LRP1B: variants seen among roughly 807,000 people sequenced by gnomAD.
LRP1B encodes LDL receptor related protein 1B.
Under a neutral mutation model 556.6 loss-of-function variants are expected in LRP1B, and 217 were observed. That is an observed-to-expected ratio of 0.39 (90% CI 0.35 to 0.44). The LOEUF (loss-of-function observed/expected upper bound fraction) is 0.44, where lower values mean the gene tolerates loss of function less well. Ranked by LOEUF, LRP1B falls within the 20% of genes least tolerant of loss-of-function variation. LRP1B has a pLI of 1.00. For synonymous variants in LRP1B, 2,047 were observed against 1,865.8 expected (o/e 1.10, Z -2.50); for missense variants, 5,053 against 5,620.8 (o/e 0.90, Z 3.23).
intron 2 of LRP1B, among the ~76,000 whole-genome samples, chr2:141,751,471 A>G (rs1479380787): frequency 6.6e-6 from 1 of 152,162 alleles, no homozygotes; most frequent in Non-Finnish European, 1.5e-5. Flanking sequence ...AAAATTTACC[A>G]ACTTCAGGAA....
chr2:141,160,349 T>G (rs1432135570), intron 7 of LRP1B, among the ~76,000 whole-genome samples: 1 of 152,140 alleles, frequency 6.6e-6, no homozygotes, highest in Non-Finnish European at 1.5e-5. Context: ...GTTGGTCATT[T>G]TAAAATAAAG....
chr2:141,151,212 G>C (rs1007865222), intron 7 of LRP1B, among the ~76,000 whole-genome samples: 4 of 152,112 alleles, frequency 2.6e-5, no homozygotes, highest in Non-Finnish European at 5.9e-5. Context: ...GGATCTTATG[G>C]AGATGGATGT....
intron 2 of LRP1B, among the ~76,000 whole-genome samples, chr2:141,622,455 T>C (rs560021266): frequency 1.3e-5 from 2 of 152,308 alleles, no homozygotes; most frequent in South Asian, 4.1e-4. Flanking sequence ...ACTTCCTTGT[T>C]AGAACTTGCA....
chr2:141,130,458 T>C (rs1701321608), intron 7 of LRP1B, among the ~76,000 whole-genome samples: 1 of 152,096 alleles, frequency 6.6e-6, no homozygotes. Flanking sequence ...GTTTGTAATG[T>C]GTTACATACC....
At chr2:141,553,786 A>G (rs1456378230) in intron 2 of LRP1B, among the ~76,000 whole-genome samples, 3 of 139,736 alleles carry the variant, frequency 2.1e-5, no homozygotes, top group Non-Finnish European at 4.6e-5. Flanking sequence ...ATATATAAAT[A>G]TATAGAAATA....
At chr2:141,335,207 A>T (rs778802510) in intron 3 of LRP1B, among the ~76,000 whole-genome samples, 1 of 152,200 alleles carries the variant, frequency 6.6e-6, no homozygotes, top group Non-Finnish European at 1.5e-5. Flanking sequence ...ACAAAGGCAA[A>T]AGCACAGTAC....
chr2:140,486,117 A>G (rs2105364432), intron 58 of LRP1B, among the ~76,000 whole-genome samples: 1 of 152,184 alleles, frequency 6.6e-6, no homozygotes, highest in South Asian at 2.1e-4. Flanking sequence ...TAGTCTTTGC[A>G]TGTATAAATA....
intron 37 of LRP1B, among the ~76,000 whole-genome samples, chr2:140,705,865 A>C (rs989165922): frequency 1.3e-5 from 2 of 152,170 alleles, no homozygotes; most frequent in Non-Finnish European, 2.9e-5. Flanking sequence ...ACTGAATAAA[A>C]GTAAAAGGTT....
intron 2 of LRP1B, among the ~76,000 whole-genome samples, chr2:141,743,139 A>G (rs1037313524): frequency 6.6e-6 from 1 of 152,142 alleles, no homozygotes; most frequent in African/African-American, 2.4e-5. Flanking sequence ...GATTGTTATC[A>G]TGAAGGGATG....
intron 2 of LRP1B, among the ~76,000 whole-genome samples, chr2:141,793,495 T>C (rs1336619828): frequency 1.3e-5 from 2 of 151,898 alleles, no homozygotes; most frequent in African/African-American, 4.8e-5. Flanking sequence ...CCCAACACTT[T>C]AAAAAAGAAG....
chr2:141,939,838 C>A (rs1290690253), intron 1 of LRP1B, among the ~76,000 whole-genome samples: 1 of 152,094 alleles, frequency 6.6e-6, no homozygotes, highest in Non-Finnish European at 1.5e-5. Flanking sequence ...TCCCCTCTGG[C>A]AAGTCAGTTG....
intron 21 of LRP1B, among the ~76,000 whole-genome samples, chr2:140,922,281 TACACACACACACACACGC>T (rs1316262966): frequency 4.1e-4 from 61 of 150,204 alleles, no homozygotes; most frequent in African/African-American, 1.4e-3. Flanking sequence ...CCTATTTGTA[TACACACACACACACACGC>T]ACACACGCAC....
intron 35 of LRP1B, among the ~76,000 whole-genome samples, chr2:140,721,343 A>T (rs932219593): frequency 5.3e-5 from 8 of 152,046 alleles, no homozygotes; most frequent in Admixed American, 2.6e-4. Flanking sequence ...TTCTTTTTAA[A>T]CTACAGGACT....
At chr2:140,693,998 G>A (rs994912811) in intron 41 of LRP1B, among the ~76,000 whole-genome samples, 3 of 152,114 alleles carry the variant, frequency 2.0e-5, no homozygotes, top group South Asian at 2.1e-4. Context: ...ATGAGCCACC[G>A]CTCCAGGCCT....
chr2:141,392,375 T>G (rs1409596092), intron 3 of LRP1B, among the ~76,000 whole-genome samples: 4 of 144,616 alleles, frequency 2.8e-5, no homozygotes, highest in Non-Finnish European at 6.0e-5. Flanking sequence ...AACAGGTGAG[T>G]AAATGCATGT....
At chr2:141,035,045 A>T (rs997780063) in intron 11 of LRP1B, among the ~76,000 whole-genome samples, 1 of 152,142 alleles carries the variant, frequency 6.6e-6, no homozygotes, top group African/African-American at 2.4e-5. Context: ...TGATGAGTTC[A>T]TGTCCTTTGT....
intron 31 of LRP1B, among the ~76,000 whole-genome samples, chr2:140,816,106 T>A (rs1447756917): frequency 6.6e-6 from 1 of 151,870 alleles, no homozygotes; most frequent in Non-Finnish European, 1.5e-5. Context: ...TTTAGTTATC[T>A]TCTCAACTGA....
intron 45 of LRP1B, among the ~76,000 whole-genome samples, chr2:140,538,862 T>G (rs191927613): frequency 1.3e-5 from 2 of 152,126 alleles, no homozygotes; most frequent in East Asian, 3.9e-4. Context: ...TAATCTTTTA[T>G]AATCTTAGTG....
At chr2:141,514,032 G>A (rs1684218388) in intron 2 of LRP1B, among the ~76,000 whole-genome samples, 1 of 152,146 alleles carries the variant, frequency 6.6e-6, no homozygotes, top group African/African-American at 2.4e-5. Context: ...CTGAGACTCT[G>A]CCTCCTCTCA....
Sources: allele counts gnomAD v4.1 joint callset (sites outside exome capture counted in the v4.1 genomes callset), GRCh38; gene constraint gnomAD v4.1.1; transcripts MANE v1.5; gene names NCBI Gene and HGNC (gene_info 2026-07-23, HGNC 2026-07-21).